Variants in C1orf87 observed in about 807,000 individuals in gnomAD.
C1orf87 encodes uncharacterized protein C1orf87.
C1orf87 carries 58 observed loss-of-function variants against 60.5 expected under a neutral mutation model. The ratio of observed to expected loss-of-function variants is 0.96; its 90% CI spans 0.78 to 1.19. The LOEUF (loss-of-function observed/expected upper bound fraction) is 1.19, where lower values mean the gene tolerates loss of function less well. Ranked by LOEUF, C1orf87 falls within the 50% of genes most tolerant of loss-of-function variation. The probability of loss-of-function intolerance (pLI) is 0.00; values close to 1 mark genes in which losing one functional copy is unlikely to be tolerated. For missense variants in C1orf87, 673 were observed against 638.6 expected (o/e 1.05, Z -0.58); for synonymous variants, 236 against 227.4 (o/e 1.04, Z -0.34).
intron 3 of C1orf87, among the ~76,000 whole-genome samples, chr1:60,045,937 G>A (rs1309990405): frequency 2.0e-5 from 3 of 152,196 alleles, no homozygotes; most frequent in South Asian, 2.1e-4. Context: ...GTAATTCCTC[G>A]ATATCTTCAA....
At chr1:59,992,854 A>G (rs1317276049) in intron 11 of C1orf87, among the ~76,000 whole-genome samples, 1 of 152,148 alleles carries the variant, frequency 6.6e-6, no homozygotes, top group Non-Finnish European at 1.5e-5. Context: ...TTCATTTTCT[A>G]TTCTGTTCTG....
intron 3 of C1orf87, among the ~76,000 whole-genome samples, chr1:60,050,625 T>C (rs962396739): frequency 6.6e-6 from 1 of 152,024 alleles, no homozygotes; most frequent in Non-Finnish European, 1.5e-5. Context: ...AATATGCCTG[T>C]ACTTTCTTTC....
At chr1:59,997,498 A>T in intron 11 of C1orf87, 111 bp downstream of exon 11, 1 of 951,252 alleles carries the variant, frequency 1.1e-6, no homozygotes, top group Non-Finnish European at 1.6e-6. Context: ...AGGGCACATG[A>T]TTTATATATT....
At chr1:60,044,384 C>T (rs1374204353) in intron 3 of C1orf87, among the ~76,000 whole-genome samples, 1 of 152,210 alleles carries the variant, frequency 6.6e-6, no homozygotes, top group African/African-American at 2.4e-5. Flanking sequence ...ACTGTACTCC[C>T]TGGAATGCTG....
intron 11 of C1orf87, among the ~76,000 whole-genome samples, chr1:59,994,184 G>A (rs1211269240): frequency 1.3e-5 from 2 of 152,088 alleles, no homozygotes; most frequent in East Asian, 3.8e-4. Flanking sequence ...CTTTGTAGAT[G>A]AGGAAACAGG....
chr1:60,060,073 GTTTT>G (rs1173713752), intron 2 of C1orf87, among the ~76,000 whole-genome samples: 1 of 146,020 alleles, frequency 6.8e-6, no homozygotes, highest in Non-Finnish European at 1.5e-5. Context: ...AAGTATGAAG[GTTTT>G]TTGTTTCTTT....
At chr1:60,057,064 C>G (rs1645462334) in intron 2 of C1orf87, among the ~76,000 whole-genome samples, 1 of 151,994 alleles carries the variant, frequency 6.6e-6, no homozygotes, top group South Asian at 2.1e-4. Flanking sequence ...CTGATGGATA[C>G]TACATTTAAA....
At chr1:60,070,343 T>A (rs190477458) in intron 2 of C1orf87, among the ~76,000 whole-genome samples, 70 of 152,312 alleles carry the variant, frequency 4.6e-4, no homozygotes, top group Non-Finnish European at 8.7e-4. Context: ...AAATTTTCAT[T>A]TTGGAGAAGC....
intron 11 of C1orf87, among the ~76,000 whole-genome samples, chr1:59,993,018 G>C (rs181606639): frequency 3.6e-4 from 55 of 152,150 alleles, no homozygotes; most frequent in African/African-American, 1.2e-3. Flanking sequence ...GCTTCCTCTG[G>C]CCATTTCTCC....
intron 3 of C1orf87, among the ~76,000 whole-genome samples, chr1:60,047,661 A>G (rs1489629228): frequency 6.6e-6 from 1 of 152,038 alleles, no homozygotes; most frequent in African/African-American, 2.4e-5. Context: ...ATGTAGGACC[A>G]TAGGGGTTTT....
chr1:60,008,257 G>A (rs1264059634), intron 9 of C1orf87, among the ~76,000 whole-genome samples: 1 of 151,974 alleles, frequency 6.6e-6, no homozygotes, highest in Non-Finnish European at 1.5e-5. Context: ...CAATAGGGCA[G>A]GTTTGCATTT....
chr1:60,047,064 G>A (rs571286175), intron 3 of C1orf87, among the ~76,000 whole-genome samples: 6 of 151,978 alleles, frequency 3.9e-5, no homozygotes, highest in South Asian at 4.2e-4. Flanking sequence ...AATTCCTTTC[G>A]TTTTCATTAG....
Position 60,011,245 on chromosome 1 carries a change from T to C in C1orf87, c.1128-789A>G, listed in dbSNP as rs150941841. Among the ~76,000 whole-genome samples, 416 of 152,146 alleles carry C rather than the reference T, an allele frequency of 2.7e-3. 2 individuals carry two copies. The highest frequency in any genetic ancestry group is 0.017 in the South Asian group (82 of 4,816). Reference sequence around the variant, plus strand: ...AAACTTTGACATTGAAAATCACTTATATTTGCTTGCCCAGCATCCACCTTC... The same window carrying C: ...AAACTTTGACATTGAAAATCACTTACATTTGCTTGCCCAGCATCCACCTTC... On this transcript the variant is annotated intron_variant, in intron 8 of 11. Transcript: ENST00000371201.
chr1:60,063,672 C>T (rs1293222555), intron 2 of C1orf87, among the ~76,000 whole-genome samples: 1 of 152,144 alleles, frequency 6.6e-6, no homozygotes, highest in East Asian at 1.9e-4. Context: ...AATGCTCTTT[C>T]ATCAGATATT....
At chr1:60,009,040 T>C (rs1645065266) in intron 9 of C1orf87, among the ~76,000 whole-genome samples, 1 of 152,058 alleles carries the variant, frequency 6.6e-6, no homozygotes, top group South Asian at 2.1e-4. Flanking sequence ...GATTGAATTG[T>C]GTCCTCCTCA....
At chr1:60,003,884 C>T (rs1645024963) in intron 9 of C1orf87, among the ~76,000 whole-genome samples, 1 of 152,052 alleles carries the variant, frequency 6.6e-6, no homozygotes, top group African/African-American at 2.4e-5. Flanking sequence ...TTTATCCTCT[C>T]ATATCTACCC....
intron 11 of C1orf87, among the ~76,000 whole-genome samples, chr1:59,991,177 C>T (rs1340843362): frequency 6.6e-6 from 1 of 152,196 alleles, no homozygotes; most frequent in Non-Finnish European, 1.5e-5. Flanking sequence ...AAAGTAACTT[C>T]TAATTGTCCT....
At chr1:60,050,855 G>A (rs952900738) in intron 3 of C1orf87, among the ~76,000 whole-genome samples, 6 of 152,032 alleles carry the variant, frequency 3.9e-5, no homozygotes, top group Non-Finnish European at 5.9e-5. Flanking sequence ...ACTTGTGGAA[G>A]GAGACAGATA....
In C1orf87 at chr1:59,996,728, C is replaced by T. The variant is rs543547311; in HGVS notation, c.1480+881G>A. 6.0e-4 allele frequency among the ~76,000 whole-genome samples: 92 copies of T among 152,156 alleles called. No individual in the cohort carries two copies. In the Middle Eastern group the frequency reaches 0.02, roughly 34 times the overall value. On this transcript the variant is annotated intron_variant, in intron 11 of 11. Coordinates refer to ENST00000371201, the MANE Select transcript of C1orf87 (RefSeq NM_152377.3). ...CATTAACAAAGCCTTCCATGATGACCCCACCAGGAAGAAATTCACTTTTCT... is the reference window on the plus strand; with the variant it reads ...CATTAACAAAGCCTTCCATGATGACTCCACCAGGAAGAAATTCACTTTTCT...
Sources: gnomAD v4.1 joint callset for allele counts (sites outside exome capture counted in the v4.1 genomes callset) on GRCh38, gnomAD v4.1.1 for gene constraint, MANE v1.5 for transcripts, NCBI Gene and HGNC (gene_info 2026-07-23, HGNC 2026-07-21) for gene names.